INSYN2B: variants seen among roughly 807,000 people sequenced by gnomAD.
INSYN2B encodes protein INSYN2B.
INSYN2B carries 16 observed loss-of-function variants against 41.2 expected under a neutral mutation model. That is an observed-to-expected ratio of 0.39 (90% CI 0.26 to 0.59). The LOEUF (loss-of-function observed/expected upper bound fraction) is 0.59. Among genes scored for constraint, INSYN2B ranks in the 20% least tolerant of loss-of-function variants. INSYN2B has a pLI of 0.57. For missense variants in INSYN2B, 608 were observed against 646.4 expected (o/e 0.94, Z 0.64); for synonymous variants, 245 against 244.4 (o/e 1.00, Z -0.02).
intron 3 of INSYN2B, among the ~76,000 whole-genome samples, chr5:169,874,361 C>T (rs374928454): frequency 1.8e-4 from 25 of 140,572 alleles, no homozygotes; most frequent in East Asian, 4.1e-4. Context: ...TGCAGTGAGC[C>T]GAGATTGTGC....
Position 169,864,220 on chromosome 5 carries a change from C to A in INSYN2B, c.*53G>T. The stretch of plus-strand genomic sequence containing the variant: ...GCAGGCCTTAAGTGCAGTGGATTTC[C>A]CATCTCAGGGAAGTGCGTGGAGTTG... On this transcript the variant is annotated 3_prime_UTR_variant, in exon 4 of 4. Transcript: ENST00000377365. 6.8e-7 allele frequency: 1 copy of A among 1,459,866 alleles called. No individual in the cohort carries two copies. The highest frequency in any genetic ancestry group is 9.4e-7 in the Non-Finnish European group (1 of 1,063,894). 90.4% of individuals were successfully genotyped at this position (1,459,866 alleles called of 1,614,324 possible).
chr5:169,954,011 C>T (rs144976264), intron 1 of INSYN2B, among the ~76,000 whole-genome samples: 226 of 152,340 alleles, frequency 1.5e-3, no homozygotes, highest in South Asian at 5.4e-3. Flanking sequence ...AATATGAGTG[C>T]ATATTCTATA....
At position 169,883,626 on chromosome 5, in the gene INSYN2B, G is replaced by T. The variant is rs1327608558; in HGVS notation, c.273C>A (p.Gly91=). The change falls in exon 2 of 4, where the codon GGC becomes GGA. Residue 91 remains glycine (G), a synonymous_variant. Coordinates refer to ENST00000377365, the MANE Select transcript of INSYN2B (RefSeq NM_001129891.3). ...LSFPRSQKAG[G]FRNIAIQTSP... ...AAGTTTGGATTGCAATGTTGCGAAA[G>T]CCCCCTGCCTTCTGGGACCTGGGGA... 6.4e-7 allele frequency: 1 copy of T among 1,551,534 alleles called. No homozygotes were observed. Among genetic ancestry groups the T allele is most frequent in the Non-Finnish European group, 8.7e-7 (1 of 1,146,888 alleles).
At chr5:169,913,552 A>T (rs1774718718) in intron 1 of INSYN2B, among the ~76,000 whole-genome samples, 2 of 152,188 alleles carry the variant, frequency 1.3e-5, no homozygotes, top group Non-Finnish European at 2.9e-5. Context: ...GCTCTAGAAA[A>T]TTTGAAATAA....
At chr5:169,965,126 T>C (rs1404649453) in intron 1 of INSYN2B, among the ~76,000 whole-genome samples, 2 of 152,182 alleles carry the variant, frequency 1.3e-5, no homozygotes, top group Admixed American at 1.3e-4. Context: ...TGTTACTTGA[T>C]GGTTAATGAG....
intron 1 of INSYN2B, among the ~76,000 whole-genome samples, chr5:169,890,330 T>A (rs982026205): frequency 1.3e-5 from 2 of 152,228 alleles, no homozygotes; most frequent in African/African-American, 2.4e-5. Context: ...AGCCATTTAC[T>A]GTTGATCATT....
chr5:169,933,480 G>C (rs1296854746), intron 1 of INSYN2B, among the ~76,000 whole-genome samples: 1 of 152,248 alleles, frequency 6.6e-6, no homozygotes, highest in Non-Finnish European at 1.5e-5. Flanking sequence ...TGAGCATCAA[G>C]AGTCTGCATA....
At chr5:169,965,943 G>T (rs548092587) in intron 1 of INSYN2B, among the ~76,000 whole-genome samples, 1 of 152,172 alleles carries the variant, frequency 6.6e-6, no homozygotes, top group Admixed American at 6.5e-5. Flanking sequence ...CTGGAAAAAG[G>T]CTTCTCCATG....
chr5:169,906,561 G>A (rs1444760407), intron 1 of INSYN2B, among the ~76,000 whole-genome samples: 2 of 152,210 alleles, frequency 1.3e-5, no homozygotes, highest in African/African-American at 4.8e-5. Context: ...TAAGTTCCTG[G>A]GTTCAAGCTA....
At chr5:169,975,330 A>C (rs1465485377) in intron 1 of INSYN2B, among the ~76,000 whole-genome samples, 1 of 152,236 alleles carries the variant, frequency 6.6e-6, no homozygotes, top group Non-Finnish European at 1.5e-5. Context: ...GCTTTCCAGC[A>C]CACAGCAGCT....
At chr5:169,937,522 T>G (rs1345994166) in intron 1 of INSYN2B, among the ~76,000 whole-genome samples, 2 of 152,254 alleles carry the variant, frequency 1.3e-5, no homozygotes, top group African/African-American at 2.4e-5. Flanking sequence ...CTAATGAGAT[T>G]AGTAAAAGCA....
At chr5:169,909,771 A>G (rs1356843098) in intron 1 of INSYN2B, among the ~76,000 whole-genome samples, 1 of 152,196 alleles carries the variant, frequency 6.6e-6, no homozygotes, top group African/African-American at 2.4e-5. Context: ...ACAATCCAAG[A>G]TGATCACTTA....
chr5:169,967,883 G>A (rs541555345), intron 1 of INSYN2B, among the ~76,000 whole-genome samples: 2 of 152,162 alleles, frequency 1.3e-5, no homozygotes, highest in Admixed American at 6.5e-5. Context: ...TGGGAGGAGC[G>A]AGAGAAAGGG....
chr5:169,926,184 G>A (rs145919133), intron 1 of INSYN2B, among the ~76,000 whole-genome samples: 1 of 152,318 alleles, frequency 6.6e-6, no homozygotes, highest in East Asian at 1.9e-4. Context: ...CGGCATGGAT[G>A]TGGATAGGTA....
At chr5:169,906,117 C>T (rs560529561) in intron 1 of INSYN2B, among the ~76,000 whole-genome samples, 17 of 152,256 alleles carry the variant, frequency 1.1e-4, no homozygotes, top group African/African-American at 2.9e-4. Flanking sequence ...GTCCTGAGTT[C>T]GACCTTCTTT....
At chr5:169,965,357 G>C (rs1777259406) in intron 1 of INSYN2B, among the ~76,000 whole-genome samples, 1 of 152,214 alleles carries the variant, frequency 6.6e-6, no homozygotes, top group Non-Finnish European at 1.5e-5. Flanking sequence ...GCCACACTCT[G>C]AGTAGCAAGA....
At chr5:169,973,852 G>A (rs930202583) in intron 1 of INSYN2B, among the ~76,000 whole-genome samples, 1 of 152,106 alleles carries the variant, frequency 6.6e-6, no homozygotes, top group African/African-American at 2.4e-5. Flanking sequence ...TTATCCATAT[G>A]TCCATACATC....
chr5:169,937,490 A>T (rs993956489), intron 1 of INSYN2B, among the ~76,000 whole-genome samples: 1 of 152,246 alleles, frequency 6.6e-6, no homozygotes, highest in Non-Finnish European at 1.5e-5. Context: ...TGCTTGGCAC[A>T]TAGTAAGTGT....
chr5:169,975,331 C>A (rs997236639), intron 1 of INSYN2B, among the ~76,000 whole-genome samples: 2 of 152,198 alleles, frequency 1.3e-5, no homozygotes, highest in Admixed American at 6.5e-5. Context: ...CTTTCCAGCA[C>A]ACAGCAGCTA....
Sources: allele counts gnomAD v4.1 joint callset (sites outside exome capture counted in the v4.1 genomes callset), GRCh38; gene constraint gnomAD v4.1.1; transcripts MANE v1.5; gene names NCBI Gene and HGNC (gene_info 2026-07-23, HGNC 2026-07-21).